HEG1: variants seen among roughly 807,000 people sequenced by gnomAD.
HEG1 encodes protein HEG homolog 1.
In HEG1, 56 loss-of-function variants were observed where a neutral mutation model predicts 125.6. The observed-to-expected ratio is 0.45, with a 90% CI of 0.36 to 0.56. The LOEUF is 0.56. HEG1 is among the 20% of genes least tolerant of loss of function. The probability of loss-of-function intolerance (pLI) is 0.00; values close to 1 mark genes in which losing one functional copy is unlikely to be tolerated. For synonymous variants in HEG1, 644 were observed against 668.5 expected (o/e 0.96, Z 0.57); for missense variants, 1,523 against 1,670.0 (o/e 0.91, Z 1.53).
intron 12 of HEG1, among the ~76,000 whole-genome samples, chr3:124,994,647 A>G (rs999833780): frequency 3.3e-5 from 5 of 152,044 alleles, no homozygotes; most frequent in African/African-American, 1.2e-4. Context: ...CTGGGACTAC[A>G]GGCATGCACC....
At chr3:124,994,034 C>T (rs1373699687) in intron 12 of HEG1, among the ~76,000 whole-genome samples, 4 of 152,152 alleles carry the variant, frequency 2.6e-5, no homozygotes, top group African/African-American at 9.7e-5. Flanking sequence ...GCAGCAGTCC[C>T]CACGTTTTTG....
chr3:125,023,510 G>A (rs10804568), intron 3 of HEG1, among the ~76,000 whole-genome samples: 103,307 of 152,106 alleles, frequency 0.68, 35,668 homozygotes, highest in East Asian at 0.88. Flanking sequence ...GAAGTACATT[G>A]TATACAAATC....
chr3:124,976,871 C>T (rs762943682), intron 15 of HEG1, among the ~76,000 whole-genome samples: 16 of 152,184 alleles, frequency 1.1e-4, no homozygotes, highest in Non-Finnish European at 2.2e-4. Flanking sequence ...GAGGCCCTCA[C>T]CAGATACAGA....
chr3:125,005,193 A>G, intron 9 of HEG1, 72 bp downstream of exon 9: 1 of 857,976 alleles, frequency 1.2e-6, no homozygotes, highest in Non-Finnish European at 1.9e-6. Context: ...ACCGCTAGGC[A>G]GTCCCCTCTT....
chr3:124,996,502 G>A (rs1936925757), intron 12 of HEG1, among the ~76,000 whole-genome samples: 1 of 152,164 alleles, frequency 6.6e-6, no homozygotes, highest in Non-Finnish European at 1.5e-5. Context: ...GAGACATGCT[G>A]TGTCCTAGTC....
intron 15 of HEG1, among the ~76,000 whole-genome samples, chr3:124,976,515 A>G (rs1936544260): frequency 6.7e-6 from 1 of 149,862 alleles, no homozygotes; most frequent in South Asian, 2.1e-4. Context: ...TTTTTTTAAT[A>G]GCCATCTTAG....
In HEG1 at chr3:125,027,577, G is replaced by A. The variant is rs115104852; in HGVS notation, c.611-70C>T. ...AAATGTCTTAATATGCTTTTAGGGG[G>A]CTCAGTTCTGACATCTACAAAATAT... On this transcript the variant is annotated intron_variant, in intron 2 of 16. Transcript: ENST00000311127. The A allele has an allele frequency of 2.6e-3, 3,352 of 1,279,008 alleles. 10 individuals carry two copies. The highest frequency in any genetic ancestry group is 2.9e-3 in the Non-Finnish European group (2,639 of 924,926). The allele number at this position is 1,279,008 out of a possible 1,614,324, so 79.2% of individuals were successfully genotyped here. A position where few individuals can be genotyped will look rare whatever the true frequency, so the allele number is the denominator to read the frequency against.
At chr3:125,052,863 C>T (rs1338648482) in intron 1 of HEG1, among the ~76,000 whole-genome samples, 1 of 152,110 alleles carries the variant, frequency 6.6e-6, no homozygotes, top group Non-Finnish European at 1.5e-5. Flanking sequence ...AATGCAAACG[C>T]GGTTACTCAG....
At chr3:125,022,690 A>AAC (rs1937352676) in intron 3 of HEG1, among the ~76,000 whole-genome samples, 2 of 111,974 alleles carry the variant, frequency 1.8e-5, no homozygotes, top group Admixed American at 1.8e-4. Context: ...GTATTAAAAA[A>AAC]AAAAAGAAAT....
At chr3:125,045,959 A>AAGTG (rs1436832972) in intron 1 of HEG1, among the ~76,000 whole-genome samples, 4 of 152,204 alleles carry the variant, frequency 2.6e-5, no homozygotes, top group Non-Finnish European at 5.9e-5. Flanking sequence ...GTCCAGTTAC[A>AAGTG]AGTGCTTTCA....
intron 5 of HEG1, among the ~76,000 whole-genome samples, chr3:125,015,966 C>T (rs7619979): frequency 0.67 from 101,898 of 151,992 alleles, 34,708 homozygotes; most frequent in East Asian, 0.92. Flanking sequence ...GGAATGAGCA[C>T]GGGCCACGAG....
rs1937324473 is a variant in HEG1 at position 125,020,848 on chromosome 3, G to A, written c.1196C>T (p.Pro399Leu). The A allele has an allele frequency of 6.8e-6, 11 of 1,613,972 alleles. No individual in the cohort carries two copies. Among genetic ancestry groups the A allele is most frequent in the Non-Finnish European group, 9.3e-6 (11 of 1,179,880 alleles). Reference sequence around the variant, plus strand: ...AAGTCCAAATTCATTTTCTGTGGATGGTTCAATGAATTCCTCATCCCCTGG... The same window carrying A: ...AAGTCCAAATTCATTTTCTGTGGATAGTTCAATGAATTCCTCATCCCCTGG... ...GNPGDEEFIE[P>L]STENEFGLTS... is the part of the protein sequence containing the mutation. Residue 399 changes from proline (P) to leucine (L), a missense_variant, in exon 4 of 17, where the codon CCA becomes CTA. By Grantham distance (98) the Pro-to-Leu change is moderately conservative. Coordinates refer to ENST00000311127, the MANE Select transcript of HEG1 (RefSeq NM_020733.2).
At chr3:124,994,241 C>T (rs1333520394) in intron 12 of HEG1, among the ~76,000 whole-genome samples, 1 of 152,178 alleles carries the variant, frequency 6.6e-6, no homozygotes, top group Non-Finnish European at 1.5e-5. Flanking sequence ...CTAATGCTGC[C>T]GCTGATGTGA....
intron 15 of HEG1, among the ~76,000 whole-genome samples, chr3:124,975,159 G>C (rs3796208): frequency 0.35 from 53,707 of 152,080 alleles, 10,381 homozygotes; most frequent in African/African-American, 0.51. Context: ...TACCATAAGG[G>C]CTGCATTCCT....
intron 9 of HEG1, among the ~76,000 whole-genome samples, chr3:125,003,831 G>A (rs987436074): frequency 9.2e-5 from 14 of 152,200 alleles, no homozygotes; most frequent in African/African-American, 2.7e-4. Flanking sequence ...GAACTCTCCC[G>A]GACTCTCTGC....
At position 124,966,308 on chromosome 3, in the gene HEG1, A is replaced by T. The variant is rs1936312527; in HGVS notation, c.*4344T>A. 6.6e-6 allele frequency: 1 copy of T among 152,232 alleles called. No individual in the cohort carries two copies. The highest frequency in any genetic ancestry group is 1.5e-5 in the Non-Finnish European group (1 of 68,030). 9.4% of individuals were successfully genotyped at this position (152,232 alleles called of 1,614,324 possible). ...CTGAATGGTCCCCCTTTGGTTTCAT[A>T]GGGTTTTCTGTGAGCAGTTTACACC... is the stretch of plus-strand genomic sequence containing the variant. On this transcript the variant is annotated 3_prime_UTR_variant, in exon 17 of 17. Coordinates refer to ENST00000311127, the MANE Select transcript of HEG1 (RefSeq NM_020733.2).
chr3:124,973,086 AT>A (rs1936474757), intron 16 of HEG1, among the ~76,000 whole-genome samples: 1 of 151,848 alleles, frequency 6.6e-6, no homozygotes, highest in Admixed American at 6.6e-5. Context: ...CAGTGGTGCA[AT>A]CTTGGCTCAC....
At chr3:125,031,653 C>CCA (rs139599713) in intron 1 of HEG1, among the ~76,000 whole-genome samples, 285 of 149,060 alleles carry the variant, frequency 1.9e-3, no homozygotes, top group African/African-American at 5.1e-3. Context: ...TATCTAAATA[C>CCA]CACACACACA....
intron 1 of HEG1, among the ~76,000 whole-genome samples, chr3:125,050,495 T>C (rs771461187): frequency 1.3e-5 from 2 of 152,158 alleles, no homozygotes; most frequent in Non-Finnish European, 2.9e-5. Context: ...CAAAGTTAAA[T>C]CAACTCCCCC....
Sources: gnomAD v4.1 joint callset for allele counts (sites outside exome capture counted in the v4.1 genomes callset) on GRCh38, gnomAD v4.1.1 for gene constraint, MANE v1.5 for transcripts, NCBI Gene and HGNC (gene_info 2026-07-23, HGNC 2026-07-21) for gene names.